Variants in ECHDC3 observed in about 807,000 individuals in gnomAD.
ECHDC3 encodes enoyl-CoA hydratase domain-containing protein 3, mitochondrial.
ECHDC3 carries 20 observed loss-of-function variants against 17.9 expected under a neutral mutation model. That is an observed-to-expected ratio of 1.12 (90% CI 0.79 to 1.63). The LOEUF is 1.63. Ranked by LOEUF, ECHDC3 falls within the 40% of genes most tolerant of loss-of-function variation. The pLI is 0.00. For synonymous variants in ECHDC3, 177 were observed against 149.7 expected (o/e 1.18, Z -1.33); for missense variants, 407 against 357.7 (o/e 1.14, Z -1.11).
Position 11,749,475 on chromosome 10 carries a change from T to C in ECHDC3, c.293-20T>C. 1 of 1,613,542 alleles carries C rather than the reference T, an allele frequency of 6.2e-7. No homozygotes were observed. Among genetic ancestry groups the C allele is most frequent in the South Asian group, 1.1e-5 (1 of 91,058 alleles). On this transcript the variant is annotated intron_variant, in intron 2 of 4. Transcript: ENST00000379215. ...GTTTACATCTTTTTGTTTTCTTTTC[T>C]CAATTGGAAACATTTGCAGCTGAGG... is the stretch of plus-strand genomic sequence containing the variant.
At chr10:11,755,175 A>T (rs1193088067) in intron 3 of ECHDC3, among the ~76,000 whole-genome samples, 1 of 152,030 alleles carries the variant, frequency 6.6e-6, no homozygotes, top group African/African-American at 2.4e-5. Flanking sequence ...ACCAAAAAAA[A>T]TTTAGCTGGG....
Position 11,763,541 on chromosome 10 carries a change from G to A in ECHDC3, c.909G>A (p.Val303=). ...KRKPVWSHEP[V] ...AACCTGTCTGGTCACACGAGCCAGT[G>A]TGAGTGGAGGCAGAGGAGTGAGGCC... The change falls in exon 5 of 5, where the codon GTG becomes GTA. Residue 303 remains valine, a synonymous_variant. Transcript: ENST00000379215. The surrounding 1 kb of genome is among the most constrained non-coding windows in gnomAD (Gnocchi z 4.9). The A allele has an allele frequency of 6.7e-7, 1 of 1,496,614 alleles. No homozygotes were observed. The highest frequency in any genetic ancestry group is 9.0e-7 in the Non-Finnish European group (1 of 1,110,962). The allele number at this position is 1,496,614 out of a possible 1,614,324, so 92.7% of individuals were successfully genotyped here. A position where few individuals can be genotyped will look rare whatever the true frequency, so the allele number is the denominator to read the frequency against.
intron 1 of ECHDC3, chr10:11,742,987 C>T (rs576880188): frequency 1.6e-4 from 59 of 360,334 alleles, no homozygotes; most frequent in Non-Finnish European, 2.0e-4. Flanking sequence ...GGCCTCCAGT[C>T]GCTGGGCCTG....
chr10:11,747,823 G>T (rs1312518978), intron 2 of ECHDC3, among the ~76,000 whole-genome samples: 1 of 152,152 alleles, frequency 6.6e-6, no homozygotes, highest in Non-Finnish European at 1.5e-5. Flanking sequence ...CATTTGATTG[G>T]TCTGACTTTT....
intron 4 of ECHDC3, among the ~76,000 whole-genome samples, chr10:11,761,376 C>A (rs1222245455): frequency 6.6e-6 from 1 of 152,196 alleles, no homozygotes; most frequent in East Asian, 1.9e-4. Flanking sequence ...ACCCTCCCTG[C>A]AAAAGTTATC....
chr10:11,759,382 A>AC (rs377284550), intron 4 of ECHDC3, among the ~76,000 whole-genome samples: 93,590 of 134,436 alleles, frequency 0.7, 33,627 homozygotes, highest in Middle Eastern at 0.77. Context: ...AAAAAAAAAA[A>AC]ACACGCAGTC....
intron 3 of ECHDC3, among the ~76,000 whole-genome samples, chr10:11,754,378 G>A (rs1175510671): frequency 6.6e-6 from 1 of 152,068 alleles, no homozygotes; most frequent in African/African-American, 2.4e-5. Flanking sequence ...ACACTCTGTG[G>A]CATGAAAACA....
At chr10:11,756,700 G>A (rs1028195688) in intron 4 of ECHDC3, among the ~76,000 whole-genome samples, 4 of 152,058 alleles carry the variant, frequency 2.6e-5, no homozygotes, top group African/African-American at 9.7e-5. Context: ...AGACTAAGAG[G>A]ATGTTTTCGA....
intron 4 of ECHDC3, among the ~76,000 whole-genome samples, chr10:11,759,425 G>T (rs1190697245): frequency 6.7e-6 from 1 of 149,820 alleles, no homozygotes; most frequent in Non-Finnish European, 1.5e-5. Context: ...TTTTCTCCAT[G>T]TGAGGACACA....
chr10:11,761,806 T>A (rs1323814166), intron 4 of ECHDC3, among the ~76,000 whole-genome samples: 1 of 152,232 alleles, frequency 6.6e-6, no homozygotes, highest in African/African-American at 2.4e-5. Flanking sequence ...CTGCCACTTG[T>A]GCTGTACTCT....
At chr10:11,757,777 A>G (rs2399740) in intron 4 of ECHDC3, among the ~76,000 whole-genome samples, 137,296 of 152,184 alleles carry the variant, frequency 0.9, 63,678 homozygotes, top group East Asian at 1. Context: ...TTTTGCAGGA[A>G]GAAACAGGCT....
chr10:11,761,044 G>A lies in ECHDC3; in HGVS notation c.592-2180G>A, dbSNP rs903584548. Among the ~76,000 whole-genome samples, 15 of 151,982 alleles carry A rather than the reference G, an allele frequency of 9.9e-5. 1 individual carries two copies. The highest frequency in any genetic ancestry group is 3.6e-4 in the African/African-American group (15 of 41,374). ...CCTTTAACTTTACAGAGGAGAAAAG[G>A]AGGCCCTGCATCACCCGTCCCTGGC... On this transcript the variant is annotated intron_variant, in intron 4 of 4. Transcript: ENST00000379215.
intron 2 of ECHDC3, 150 bp downstream of exon 2, chr10:11,747,620 T>G: frequency 1.1e-6 from 1 of 941,544 alleles, no homozygotes; most frequent in South Asian, 1.5e-5. Flanking sequence ...CCTGTGTAGT[T>G]GGTGGTTTGG....
chr10:11,746,937 T>C (rs1282396650), intron 1 of ECHDC3, among the ~76,000 whole-genome samples: 2 of 152,168 alleles, frequency 1.3e-5, no homozygotes, highest in Non-Finnish European at 1.5e-5. Context: ...AACTTTTTTC[T>C]AAGGAACAAT....
intron 2 of ECHDC3, 56 bp from the exon 3 acceptor site, chr10:11,749,439 C>T: frequency 6.3e-7 from 1 of 1,577,074 alleles, no homozygotes; most frequent in South Asian, 1.1e-5. Flanking sequence ...ACTAACTGCC[C>T]AACTCTGGGT....
intron 1 of ECHDC3, among the ~76,000 whole-genome samples, chr10:11,746,078 A>C (rs773514095): frequency 9.2e-5 from 14 of 152,216 alleles, no homozygotes; most frequent in Non-Finnish European, 1.9e-4. Flanking sequence ...CTGTAATCCC[A>C]GCACTTTGGG....
rs1318159292 is a variant in ECHDC3, at chr10:11,747,387, T to A, written c.209T>A (p.Leu70Ter). 6.2e-7 allele frequency: 1 copy of A among 1,613,772 alleles called. No homozygotes were observed. The highest frequency in any genetic ancestry group is 1.1e-5 in the South Asian group (1 of 91,074). Reference protein sequence around the residue: ...VLSNPKKRNALSLAMLKSLQS... With the variant: ...VLSNPKKRNA ...AGCAATCCCAAGAAGAGGAACGCGTTGTCACTTGCAATGCTGAAGTCTCTC... is the reference window on the plus strand; with the variant it reads ...AGCAATCCCAAGAAGAGGAACGCGTAGTCACTTGCAATGCTGAAGTCTCTC... Residue 70 changes from leucine (L) to a stop codon, truncating the protein, a stop_gained, in exon 2 of 5, where the codon TTG becomes TAG. Transcript: ENST00000379215. LOFTEE classifies it high-confidence loss of function.
intron 1 of ECHDC3, among the ~76,000 whole-genome samples, chr10:11,746,616 T>A (rs1042453861): frequency 2.6e-5 from 4 of 152,082 alleles, no homozygotes; most frequent in African/African-American, 9.7e-5. Context: ...TATATACACC[T>A]ACTATATGTA....
At chr10:11,750,051 C>T (rs970323586) in intron 3 of ECHDC3, among the ~76,000 whole-genome samples, 4 of 152,204 alleles carry the variant, frequency 2.6e-5, no homozygotes, top group Admixed American at 2.0e-4. Context: ...CTCCCTCGAC[C>T]TTCCAAAGTG....
Sources: allele counts gnomAD v4.1 joint callset (sites outside exome capture counted in the v4.1 genomes callset), GRCh38; gene constraint gnomAD v4.1.1; non-coding constraint Gnocchi (gnomAD v3.1); transcripts MANE v1.5; gene names NCBI Gene and HGNC (gene_info 2026-07-23, HGNC 2026-07-21).